The following PSMA1 variants were observed in gnomAD, a reference collection of about 807,000 sequenced individuals.
The protein encoded by PSMA1 is proteasome 20S subunit alpha 1.
A neutral mutation model predicts 38.4 loss-of-function variants in PSMA1; 3 were observed. The observed-to-expected ratio is 0.08, with a 90% CI of 0.04 to 0.20. The LOEUF (loss-of-function observed/expected upper bound fraction) is 0.20. Ranked by LOEUF, PSMA1 falls within the 10% of genes least tolerant of loss-of-function variation. PSMA1 has a pLI of 1.00. For synonymous variants in PSMA1, 101 were observed against 107.1 expected, an observed-to-expected ratio of 0.94 and a Z score of 0.35; for missense variants, 227 against 325.3, an observed-to-expected ratio of 0.70 and a Z score of 2.32.
At chr11:14,614,639 G>C (rs1329824927) in intron 1 of PSMA1, among the ~76,000 whole-genome samples, 1 of 152,144 alleles carries the variant, frequency 6.6e-6, no homozygotes, top group East Asian at 1.9e-4. Flanking sequence ...TCTCAAGCTA[G>C]AAATTTGATT....
chr11:14,563,894 T>A (rs934815149), intron 2 of PSMA1, among the ~76,000 whole-genome samples: 1 of 152,204 alleles, frequency 6.6e-6, no homozygotes, highest in African/African-American at 2.4e-5. Context: ...AATTTTATAA[T>A]CAATGATTAA....
At chr11:14,621,213 C>T (rs1481871848) in intron 1 of PSMA1, among the ~76,000 whole-genome samples, 2 of 151,850 alleles carry the variant, frequency 1.3e-5, no homozygotes, top group Non-Finnish European at 2.9e-5. Context: ...TCATGTTTTG[C>T]TTTATTAGTA....
At chr11:14,621,286 T>C (rs1434248130) in intron 1 of PSMA1, among the ~76,000 whole-genome samples, 2 of 146,990 alleles carry the variant, frequency 1.4e-5, no homozygotes, top group Non-Finnish European at 3.0e-5. Flanking sequence ...TTTTCTTTTC[T>C]TTTTTTTTTT....
At chr11:14,595,460 T>C (rs933978175) in intron 2 of PSMA1, among the ~76,000 whole-genome samples, 1 of 152,242 alleles carries the variant, frequency 6.6e-6, no homozygotes, top group Admixed American at 6.5e-5. Context: ...TAGCATGAGA[T>C]GGTATCTCAT....
chr11:14,559,810 T>C (rs1481731581), intron 2 of PSMA1, among the ~76,000 whole-genome samples: 7 of 152,180 alleles, frequency 4.6e-5, no homozygotes, highest in African/African-American at 1.7e-4. Flanking sequence ...TATCCTGAGT[T>C]CCCTAGAAAT....
intron 2 of PSMA1, among the ~76,000 whole-genome samples, chr11:14,567,864 G>A (rs1852091200): frequency 1.3e-5 from 2 of 152,170 alleles, no homozygotes; most frequent in Non-Finnish European, 2.9e-5. Flanking sequence ...GAGTAAGAAG[G>A]CTGTGATGTG....
upstream of PSMA1, chr11:14,520,631 G>T (rs1419200914): frequency 1.8e-6 from 1 of 541,172 alleles, no homozygotes; most frequent in Non-Finnish European, 3.0e-6. Flanking sequence ...ATTCCCTCCA[G>T]TTTCTCCCGC....
chr11:14,612,140 TGACAACA>T (rs1490565487), intron 1 of PSMA1, among the ~76,000 whole-genome samples: 1 of 152,226 alleles, frequency 6.6e-6, no homozygotes. Flanking sequence ...TAACAAAACC[TGACAACA>T]GACAAGTATG....
At chr11:14,511,107 TA>T (rs1433913272) in intron 7 of PSMA1, 156 bp from the exon 8 acceptor site, 10 of 437,626 alleles carry the variant, frequency 2.3e-5, no homozygotes, top group African/African-American at 1.8e-4. Flanking sequence ...TATAATCTTT[TA>T]ATAGCATTCT....
At chr11:14,559,778 C>CA (rs1236138433) in intron 2 of PSMA1, among the ~76,000 whole-genome samples, 1 of 152,036 alleles carries the variant, frequency 6.6e-6, no homozygotes, top group Admixed American at 6.6e-5. Context: ...AATATAAACA[C>CA]AAAAAATGAA....
rs555892316 is a variant in PSMA1, at chr11:14,641,391, T to G, written c.-166+2064A>C. On this transcript the variant is annotated intron_variant, in intron 1 of 10. Coordinates refer to the PSMA1 transcript ENST00000418988. Reference sequence around the variant, plus strand: ...TAAATAATCTGACCTCTAAGAAATGTGGCCTAGTAATAATCTTTGACAAAG... The same window carrying G: ...TAAATAATCTGACCTCTAAGAAATGGGGCCTAGTAATAATCTTTGACAAAG... 6.6e-5 allele frequency among the ~76,000 whole-genome samples: 10 copies of G among 152,334 alleles called. No individual in the cohort carries two copies. The South Asian group carries it at 1.4e-3, about 22-fold the overall frequency.
intron 2 of PSMA1, among the ~76,000 whole-genome samples, chr11:14,532,245 T>G (rs1851655196): frequency 6.6e-6 from 1 of 152,216 alleles, no homozygotes; most frequent in African/African-American, 2.4e-5. Flanking sequence ...CTTCCCTATT[T>G]TCGACCTGTT....
intron 2 of PSMA1, among the ~76,000 whole-genome samples, chr11:14,600,947 T>G (rs1415736455): frequency 6.6e-6 from 1 of 152,248 alleles, no homozygotes; most frequent in Non-Finnish European, 1.5e-5. Flanking sequence ...TTCCAATTTT[T>G]TGTTTAGTAT....
At chr11:14,527,073 A>C (rs1851594248) in intron 2 of PSMA1, among the ~76,000 whole-genome samples, 1 of 150,978 alleles carries the variant, frequency 6.6e-6, no homozygotes, top group Non-Finnish European at 1.5e-5. Flanking sequence ...CTCACTACAC[A>C]AGGTCCTCCA....
chr11:14,640,082 A>C (rs1426657591), intron 1 of PSMA1, among the ~76,000 whole-genome samples: 1 of 152,234 alleles, frequency 6.6e-6, no homozygotes, highest in African/African-American at 2.4e-5. Context: ...TGAATGAATG[A>C]ATGCATTCAT....
intron 2 of PSMA1, among the ~76,000 whole-genome samples, chr11:14,537,910 T>C (rs1589986615): frequency 6.6e-6 from 1 of 152,180 alleles, no homozygotes; most frequent in East Asian, 1.9e-4. Flanking sequence ...GGTTTTGCCA[T>C]GTTGGCCAGG....
intron 1 of PSMA1, among the ~76,000 whole-genome samples, chr11:14,643,299 A>C (rs2133731886): frequency 6.6e-6 from 1 of 151,812 alleles, no homozygotes. Context: ...CTGAAGACCC[A>C]CCCTGAAAGG....
chr11:14,537,705 A>G (rs1461373720), intron 2 of PSMA1, among the ~76,000 whole-genome samples: 1 of 145,600 alleles, frequency 6.9e-6, no homozygotes, highest in Non-Finnish European at 1.5e-5. Context: ...ATGTGGTAAA[A>G]TTACCCTTTT....
chr11:14,542,154 G>A (rs1422990574), intron 2 of PSMA1, among the ~76,000 whole-genome samples: 2 of 152,078 alleles, frequency 1.3e-5, no homozygotes, highest in Admixed American at 1.3e-4. Flanking sequence ...TTTTAAAAAA[G>A]TAAATATTAC....
Sources: allele counts gnomAD v4.1 joint callset (sites outside exome capture counted in the v4.1 genomes callset), GRCh38; gene constraint gnomAD v4.1.1; transcripts MANE v1.5; gene names NCBI Gene and HGNC (gene_info 2026-07-23, HGNC 2026-07-21).